NPY1R: variants seen among roughly 807,000 people sequenced by gnomAD.
NPY1R encodes neuropeptide Y receptor type 1.
Under a neutral mutation model 24.1 loss-of-function variants are expected in NPY1R, and 10 were observed. That is an observed-to-expected ratio of 0.42 (90% CI 0.26 to 0.71). The LOEUF (loss-of-function observed/expected upper bound fraction) is 0.71. Ranked by LOEUF, NPY1R falls within the 30% of genes least tolerant of loss-of-function variation. The probability of loss-of-function intolerance (pLI) is 0.28; values close to 1 mark genes in which losing one functional copy is unlikely to be tolerated. For synonymous variants in NPY1R, 168 were observed against 165.9 expected (o/e 1.01, Z -0.10); for missense variants, 350 against 458.0 (o/e 0.76, Z 2.15).
In NPY1R at chr4:163,326,696, A is replaced by G; in HGVS notation, c.-142T>C. The stretch of plus-strand genomic sequence containing the variant: ...TATTCTGAATTCTTCATTCCCTTGA[A>G]CTGAACAATCTGTAAAGAGAAAATG... On this transcript the variant is annotated 5_prime_UTR_variant, in exon 2 of 3. Transcript: ENST00000296533. 1 of 588,090 alleles carries G rather than the reference A, an allele frequency of 1.7e-6. No homozygotes were observed. Among genetic ancestry groups the G allele is most frequent in the Non-Finnish European group, 3.0e-6 (1 of 338,436 alleles). The allele number at this position is 588,090 out of a possible 1,614,324, so 36.4% of individuals were successfully genotyped here. A position where few individuals can be genotyped will look rare whatever the true frequency, so the allele number is the denominator to read the frequency against.
At chr4:163,337,027 A>C (rs1734854788), upstream of NPY1R, among the ~76,000 whole-genome samples, 1 of 152,138 alleles carries the variant, frequency 6.6e-6, no homozygotes, top group Non-Finnish European at 1.5e-5. Context: ...TAGCACAAGC[A>C]GGTGCATGCA....
chr4:163,325,746 G>A lies in NPY1R; in HGVS notation c.712C>T (p.Leu238=). Residue 238 remains leucine (L), a synonymous_variant, in exon 3 of 3, where the codon CTA becomes TTA. Coordinates refer to ENST00000296533, the MANE Select transcript of NPY1R (RefSeq NM_000909.6). ...TCCATCATGTTGTTTCTCCTTTTTA[G>A]GCGTATATATATCTATGGAAGAAAA... ...FICYFKIYIR[L]KRRNNMMDKM... is the part of the protein sequence containing the mutation. 1 of 1,592,872 alleles carries A rather than the reference G, an allele frequency of 6.3e-7. No individual in the cohort carries two copies. Among genetic ancestry groups the A allele is most frequent in the Non-Finnish European group, 8.5e-7 (1 of 1,170,602 alleles).
At chr4:163,342,522 C>T (rs1346356419) in intron 1 of NPY1R, among the ~76,000 whole-genome samples, 1 of 152,148 alleles carries the variant, frequency 6.6e-6, no homozygotes, top group Non-Finnish European at 1.5e-5. Context: ...GCTCAGACGG[C>T]CTATTCTGTT....
At chr4:163,332,754 GA>G, upstream of NPY1R, 1 of 152,556 alleles carries the variant, frequency 6.6e-6, no homozygotes, top group Non-Finnish European at 1.5e-5. Flanking sequence ...ATTTTGGAAA[GA>G]AAAGCAATCC....
chr4:163,334,904 A>G (rs1049245769), upstream of NPY1R, among the ~76,000 whole-genome samples: 7 of 151,486 alleles, frequency 4.6e-5, no homozygotes, highest in African/African-American at 1.7e-4. Flanking sequence ...CAGCAAAATT[A>G]TATAATTCTT....
rs1359439866 is a variant in NPY1R at position 163,325,130 on chromosome 4, C to T, written c.*173G>A. On this transcript the variant is annotated 3_prime_UTR_variant, in exon 3 of 3. Transcript: ENST00000296533. ...ACCCCAAAGCCCACACCTTTTGTTC[C>T]AAATGTAATTATGACAACTACAACA... 5.0e-6 allele frequency: 3 copies of T among 594,076 alleles called. No homozygotes were observed. Among genetic ancestry groups the T allele is most frequent in the Non-Finnish European group, 8.8e-6 (3 of 341,360 alleles). The allele number at this position is 594,076 out of a possible 1,614,324, so 36.8% of individuals were successfully genotyped here. A position where few individuals can be genotyped will look rare whatever the true frequency, so the allele number is the denominator to read the frequency against.
In NPY1R at chr4:163,325,457, A is replaced by C. The variant is rs747772113; in HGVS notation, c.1001T>G (p.Phe334Cys). 22 of 1,614,168 alleles carry C rather than the reference A, an allele frequency of 1.4e-5. No individual in the cohort carries two copies. Among genetic ancestry groups the C allele is most frequent in the Non-Finnish European group, 1.9e-5 (22 of 1,179,992 alleles). The change falls in exon 3 of 3, where the codon TTC becomes TGC. Residue 334 changes from phenylalanine (F) to cysteine (C), a missense_variant. Transcript: ENST00000296533. ...AGACCGGAAATCACAAAAGTTGAAG[A>C]AGAACTGCAAGTCTCTCTGGAAGTT... is the stretch of plus-strand genomic sequence containing the variant. Reference protein sequence around the residue: ...NKNFQRDLQFFFNFCDFRSRD... With the variant: ...NKNFQRDLQFCFNFCDFRSRD...
Position 163,324,511 on chromosome 4 carries a change from A to G in NPY1R, c.*792T>C, listed in dbSNP as rs4552421. 0.85 allele frequency: 128,907 copies of G among 152,064 alleles called. 55,404 individuals carry two copies. The highest frequency in any genetic ancestry group is 0.99 in the East Asian group (5,138 of 5,176). 9.4% of individuals were successfully genotyped at this position (152,064 alleles called of 1,614,324 possible). ...CATCAATTCAAATAAATATAATTTA[A>G]CTATTTGCAGCAATACTAATTTACT... On this transcript the variant is annotated 3_prime_UTR_variant, in exon 3 of 3. Coordinates refer to ENST00000296533, the MANE Select transcript of NPY1R (RefSeq NM_000909.6).
intron 1 of NPY1R, among the ~76,000 whole-genome samples, chr4:163,331,911 G>A (rs561411519): frequency 2.6e-5 from 4 of 152,194 alleles, no homozygotes; most frequent in Admixed American, 6.5e-5. Context: ...ACCCGCAAGT[G>A]GGGGTGGGCT....
In NPY1R at chr4:163,342,981, G is replaced by GAC. The variant is rs142715363; in HGVS notation, c.-152+1322_-152+1323dup. Among the ~76,000 whole-genome samples, 120 of 139,194 alleles carry GAC rather than the reference G, an allele frequency of 8.6e-4. 1 individual carries two copies. The highest frequency in any genetic ancestry group is 1.7e-3 in the African/African-American group (60 of 35,666). The allele number at this position is 139,194 out of a possible 152,430, so 91.3% of individuals were successfully genotyped here. On this transcript the variant is annotated intron_variant, in intron 1 of 1. Coordinates refer to the NPY1R transcript ENST00000511901. ...CTTCTCTCTCTCTCTCTCTCTCACA[G>GAC]ACACACACACACACACACACACACA...
intron 1 of NPY1R, among the ~76,000 whole-genome samples, chr4:163,340,974 TCAA>T (rs1734966199): frequency 6.6e-6 from 1 of 152,052 alleles, no homozygotes; most frequent in African/African-American, 2.4e-5. Flanking sequence ...TTATCAGAAG[TCAA>T]TACAATGTTA....
chr4:163,330,075 A>C (rs1226034500), intron 1 of NPY1R, among the ~76,000 whole-genome samples: 2 of 152,236 alleles, frequency 1.3e-5, no homozygotes, highest in Non-Finnish European at 2.9e-5. Context: ...AGCTAGTGCA[A>C]TAATTTTGGC....
chr4:163,326,065 C>A lies in NPY1R; in HGVS notation c.490G>T (p.Val164Phe). 6.2e-7 allele frequency: 1 copy of A among 1,614,040 alleles called. No individual in the cohort carries two copies. Among genetic ancestry groups the A allele is most frequent in the Non-Finnish European group, 8.5e-7 (1 of 1,179,950 alleles). Reference sequence around the variant, plus strand: ...GGCAAAGAAGAAGCCACAGCAAGGACCCAAATCACAGCAATACCTACATAA... The same window carrying A: ...GGCAAAGAAGAAGCCACAGCAAGGAACCAAATCACAGCAATACCTACATAA... ...HAYVGIAVIW[V>F]LAVASSLPFL... Residue 164 changes from valine (V) to phenylalanine (F), a missense_variant, in exon 2 of 3, where the codon GTC (valine) becomes TTC (phenylalanine). By Grantham distance (50) the Val-to-Phe change is conservative. Coordinates refer to ENST00000296533, the MANE Select transcript of NPY1R (RefSeq NM_000909.6).
rs767876198 is a variant in NPY1R, at chr4:163,325,410, T to C, written c.1048A>G (p.Ile350Val). 7 of 1,614,026 alleles carry C rather than the reference T, an allele frequency of 4.3e-6. No individual in the cohort carries two copies. The African/African-American group carries it at 5.3e-5, about 12-fold the overall frequency. The change falls in exon 3 of 3, where the codon ATA becomes GTA. Residue 350 changes from isoleucine (I) to valine (V), a missense_variant. Physicochemically the swap from Ile to Val is conservative, Grantham distance 29. Transcript: ENST00000296533. Reference sequence around the variant, plus strand: ...TCTGTGTGCATCGTGGACATGGCTATTGTTTCATAATCATCATCCCGAGAC... The same window carrying C: ...TCTGTGTGCATCGTGGACATGGCTACTGTTTCATAATCATCATCCCGAGAC... Reference protein sequence around the residue: ...FRSRDDDYETIAMSTMHTDVS... With the variant: ...FRSRDDDYETVAMSTMHTDVS...
rs1446426560 is a variant in NPY1R at position 163,324,088 on chromosome 4, A to C, written c.*1215T>G. On this transcript the variant is annotated 3_prime_UTR_variant, in exon 3 of 3. Coordinates refer to ENST00000296533, the MANE Select transcript of NPY1R (RefSeq NM_000909.6). ...GTTCTTTAAAATATAGTTTCTCCAA[A>C]TGATTCTGAGGCTCAATCATGATTA... 1 of 152,624 alleles carries C rather than the reference A, an allele frequency of 6.6e-6. No homozygotes were observed. Among genetic ancestry groups the C allele is most frequent in the Non-Finnish European group, 1.5e-5 (1 of 68,040 alleles). The allele number at this position is 152,624 out of a possible 1,614,324, so 9.5% of individuals were successfully genotyped here. A position where few individuals can be genotyped will look rare whatever the true frequency, so the allele number is the denominator to read the frequency against.
Position 163,325,319 on chromosome 4 carries a change from T to C in NPY1R, c.1139A>G (p.Asp380Gly). Residue 380 changes from aspartate to glycine, a missense_variant, in exon 3 of 3, where the codon GAT becomes GGT. By Grantham distance (94) the Asp-to-Gly change is moderately conservative (BLOSUM62 -1). Coordinates refer to ENST00000296533, the MANE Select transcript of NPY1R (RefSeq NM_000909.6). ...TAAGTAGTTTCAGATTTTTTCATTATCATCATTGTTGTTGATTTTTTTAAA... is the reference window on the plus strand; with the variant it reads ...TAAGTAGTTTCAGATTTTTTCATTACCATCATTGTTGTTGATTTTTTTAAA... ...VAFKKINNND[D>G]NEKI is the part of the protein sequence containing the mutation. 6.2e-7 allele frequency: 1 copy of C among 1,607,204 alleles called. No homozygotes were observed. The highest frequency in any genetic ancestry group is 1.3e-5 in the African/African-American group (1 of 74,422).
chr4:163,329,375 C>A (rs551735916), intron 1 of NPY1R, among the ~76,000 whole-genome samples: 1 of 152,162 alleles, frequency 6.6e-6, no homozygotes, highest in South Asian at 2.1e-4. Context: ...GAGGCCGAGG[C>A]GGATCACCTG....
At chr4:163,338,450 A>G (rs1734896938) in intron 1 of NPY1R, among the ~76,000 whole-genome samples, 1 of 152,118 alleles carries the variant, frequency 6.6e-6, no homozygotes, top group South Asian at 2.1e-4. Flanking sequence ...ACTCTGACCC[A>G]GAGGCTCCCC....
chr4:163,341,952 T>G (rs972205657), intron 1 of NPY1R, among the ~76,000 whole-genome samples: 7 of 107,714 alleles, frequency 6.5e-5, no homozygotes, highest in Non-Finnish European at 1.7e-4. Context: ...TTTGTAAATT[T>G]ATAATTTCCT....
Sources: allele counts gnomAD v4.1 joint callset (sites outside exome capture counted in the v4.1 genomes callset), GRCh38; gene constraint gnomAD v4.1.1; transcripts MANE v1.5; gene names NCBI Gene and HGNC (gene_info 2026-07-23, HGNC 2026-07-21).